Variants in SLC6A6 observed in about 807,000 individuals in gnomAD.
SLC6A6 encodes the protein solute carrier family 6 member 6, also known as sodium- and chloride-dependent taurine transporter.
In SLC6A6, 16 loss-of-function variants were observed where a neutral mutation model predicts 68.8. The ratio of observed to expected loss-of-function variants is 0.23; its 90% CI spans 0.16 to 0.35. SLC6A6 has a LOEUF of 0.35. SLC6A6 is among the 10% of genes least tolerant of loss of function. SLC6A6 has a pLI of 1.00. For missense variants in SLC6A6, 474 were observed against 802.8 expected, an observed-to-expected ratio of 0.59 and a Z score of 4.95; for synonymous variants, 312 against 315.4, an observed-to-expected ratio of 0.99 and a Z score of 0.12.
At position 14,484,915 on chromosome 3, in the gene SLC6A6, G is replaced by A; in HGVS notation, c.1771G>A (p.Glu591Lys). 2 of 1,612,382 alleles carry A rather than the reference G, an allele frequency of 1.2e-6. No homozygotes were observed. The highest frequency in any genetic ancestry group is 4.5e-5 in the East Asian group (2 of 44,866). The change falls in exon 15 of 15, where the codon GAG (glutamate) becomes AAG (lysine). Residue 591 changes from glutamate (E) to lysine (K), a missense_variant. Glu to Lys is a moderately conservative substitution (Grantham distance 56). This residue lies in a region of SLC6A6 where 194 missense variants were observed against 269.8 expected (regional missense o/e 0.72). Coordinates refer to ENST00000622186, the MANE Select transcript of SLC6A6 (RefSeq NM_003043.6). The part of the protein sequence containing the change: ...TPREPNRWAV[E>K]REGATPYNSR... ...AAGGGAACCCAACCGCTGGGCTGTGGAGCGCGAGGGAGCCACACCTTACAA... is the reference window on the plus strand; with the variant it reads ...AAGGGAACCCAACCGCTGGGCTGTGAAGCGCGAGGGAGCCACACCTTACAA...
chr3:14,415,221 TTGAC>T (rs1183948117), intron 1 of SLC6A6, among the ~76,000 whole-genome samples: 30 of 152,252 alleles, frequency 2.0e-4, no homozygotes, highest in Non-Finnish European at 3.5e-4. Flanking sequence ...CCATAAGTTG[TTGAC>T]TGACTGTTCC....
intron 6 of SLC6A6, among the ~76,000 whole-genome samples, chr3:14,466,292 A>G (rs1267854196): frequency 6.6e-6 from 1 of 150,678 alleles, no homozygotes; most frequent in Non-Finnish European, 1.5e-5. Flanking sequence ...AAAAAAAGAA[A>G]TCTGTGAGGT....
Position 14,481,378 on chromosome 3 carries a change from A to T in SLC6A6, c.1552-293A>T, listed in dbSNP as rs2124999208. On this transcript the variant is annotated intron_variant, in intron 13 of 14. Coordinates refer to ENST00000622186, the MANE Select transcript of SLC6A6 (RefSeq NM_003043.6). This position sits in a 1 kb window ranked among gnomAD's most constrained non-coding sequence, Gnocchi z 4.7. Reference sequence around the variant, plus strand: ...GGACACGGAGGGAGAGTTGAGGCAGATGAGGGAGGAAGGGGTACAGCTTCT... The same window carrying T: ...GGACACGGAGGGAGAGTTGAGGCAGTTGAGGGAGGAAGGGGTACAGCTTCT... Among the ~76,000 whole-genome samples, 1 of 152,226 alleles carries T rather than the reference A, an allele frequency of 6.6e-6. No homozygotes were observed. The highest frequency in any genetic ancestry group is 1.9e-4 in the East Asian group (1 of 5,178).
chr3:14,425,864 G>T (rs1699584668), intron 2 of SLC6A6, among the ~76,000 whole-genome samples: 1 of 152,178 alleles, frequency 6.6e-6, no homozygotes, highest in South Asian at 2.1e-4. Context: ...GAATTTAAAT[G>T]GCTAAACATT....
intron 9 of SLC6A6, among the ~76,000 whole-genome samples, chr3:14,469,452 T>C (rs1700702524): frequency 6.6e-6 from 1 of 152,196 alleles, no homozygotes; most frequent in Non-Finnish European, 1.5e-5. Flanking sequence ...CCCTGAGTCC[T>C]AGAGCCCTAG....
At chr3:14,459,597 A>G (rs1348931445) in intron 6 of SLC6A6, among the ~76,000 whole-genome samples, 4 of 152,112 alleles carry the variant, frequency 2.6e-5, no homozygotes, top group Non-Finnish European at 5.9e-5. Flanking sequence ...TCCTGCCCGG[A>G]ACAGGCGGGA....
At chr3:14,418,849 A>C (rs927679642) in intron 2 of SLC6A6, among the ~76,000 whole-genome samples, 3 of 152,212 alleles carry the variant, frequency 2.0e-5, no homozygotes, top group Admixed American at 2.0e-4. Context: ...GATTGTTTCC[A>C]AGACTACACA....
At chr3:14,444,169 C>A in intron 3 of SLC6A6, 1 of 334,594 alleles carries the variant, frequency 3.0e-6, no homozygotes, top group African/African-American at 2.1e-5. Context: ...CTTGTGTCTC[C>A]CAAGCCCCAG....
intron 2 of SLC6A6, among the ~76,000 whole-genome samples, chr3:14,436,778 G>A (rs1699866295): frequency 6.6e-6 from 1 of 152,064 alleles, no homozygotes; most frequent in Non-Finnish European, 1.5e-5. Flanking sequence ...GCCTGAGTCT[G>A]TGCTGTTTCA....
intron 1 of SLC6A6, among the ~76,000 whole-genome samples, chr3:14,405,225 T>C (rs1699080193): frequency 6.6e-6 from 1 of 152,174 alleles, no homozygotes; most frequent in South Asian, 2.1e-4. Context: ...CTTGCTTCTG[T>C]CCCTAGTTAC....
Position 14,467,802 on chromosome 3 carries a change from C to G in SLC6A6, c.868-51C>G, listed in dbSNP as rs371049922. The G allele has an allele frequency of 9.1e-6, 11 of 1,210,868 alleles. No individual in the cohort carries two copies. The African/African-American group carries it at 1.7e-4, about 18-fold the overall frequency. The allele number at this position is 1,210,868 out of a possible 1,614,324, so 75.0% of individuals were successfully genotyped here. A position where few individuals can be genotyped will look rare whatever the true frequency, so the allele number is the denominator to read the frequency against. ...ACCCTCGCTGCCTCCTCCAGGAAGC[C>G]AGCTCTGACAGCCCTCCTCTCTTTC... On this transcript the variant is annotated intron_variant, in intron 7 of 14. Transcript: ENST00000622186.
chr3:14,481,641 C>T lies in SLC6A6; in HGVS notation c.1552-30C>T. 6.4e-7 allele frequency: 1 copy of T among 1,563,506 alleles called. No individual in the cohort carries two copies. The highest frequency in any genetic ancestry group is 2.3e-5 in the East Asian group (1 of 44,222). On this transcript the variant is annotated intron_variant, in intron 13 of 14. Coordinates refer to ENST00000622186, the MANE Select transcript of SLC6A6 (RefSeq NM_003043.6). This position sits in a 1 kb window ranked among gnomAD's most constrained non-coding sequence, Gnocchi z 4.7. ...CCCCCACCCCCCGATGCCCAGGACC[C>T]CTCTCCTGACTGCCCCCATCTCTCC...
At chr3:14,455,865 C>A (rs571327555) in intron 5 of SLC6A6, among the ~76,000 whole-genome samples, 2 of 152,380 alleles carry the variant, frequency 1.3e-5, no homozygotes, top group African/African-American at 4.8e-5. Context: ...TATAGGGATG[C>A]CCCCTGCCCC....
rs762430127 is a variant in SLC6A6 at position 14,466,527 on chromosome 3, C to T, written c.744C>T (p.Phe248=). 1 of 1,612,148 alleles carries T rather than the reference C, an allele frequency of 6.2e-7. No homozygotes were observed. Among genetic ancestry groups the T allele is most frequent in the East Asian group, 2.2e-5 (1 of 44,844 alleles). ...TCTCGCCCTTGCAGGTCGTCTACTT[C>T]ACAGCCACTTTTCCATTCGCCATGC... The part of the protein sequence containing the change: ...GVRSTGKVVY[F]TATFPFAMLL... Residue 248 remains phenylalanine, a synonymous_variant, in exon 7 of 15, where the codon TTC becomes TTT. Coordinates refer to ENST00000622186, the MANE Select transcript of SLC6A6 (RefSeq NM_003043.6).
At position 14,477,999 on chromosome 3, in the gene SLC6A6, C is replaced by CA. The variant is rs922262308; in HGVS notation, c.1348-467_1348-466insA. 8.2e-4 allele frequency among the ~76,000 whole-genome samples: 125 copies of CA among 152,128 alleles called. No individual in the cohort carries two copies. Among genetic ancestry groups the CA allele is most frequent in the Non-Finnish European group, 1.5e-3 (104 of 68,004 alleles). ...GGGCACGCTCTCTCCTGCATGCCCC[C>CA]CCCCACCACCTCCCCTGTTCCCCAG... is the stretch of plus-strand genomic sequence containing the variant. On this transcript the variant is annotated intron_variant, in intron 11 of 14. Transcript: ENST00000622186. This position sits in a 1 kb window ranked among gnomAD's most constrained non-coding sequence, Gnocchi z 4.2.
intron 1 of SLC6A6, among the ~76,000 whole-genome samples, chr3:14,415,194 C>T (rs180960335): frequency 5.9e-5 from 9 of 152,374 alleles, no homozygotes; most frequent in African/African-American, 2.2e-4. Flanking sequence ...AGTGCAGTGC[C>T]TGGCACAGTA....
chr3:14,443,644 AAGG>A lies in SLC6A6; in HGVS notation c.13_15del (p.Glu5del). 1 of 1,610,548 alleles carries A rather than the reference AAGG, an allele frequency of 6.2e-7. No homozygotes were observed. The highest frequency in any genetic ancestry group is 8.5e-7 in the Non-Finnish European group (1 of 1,177,120). On this transcript the variant is annotated inframe_deletion, in exon 3 of 15. Coordinates refer to ENST00000622186, the MANE Select transcript of SLC6A6 (RefSeq NM_003043.6). ...CATAGAAAGCAAGGAGATGGCCACC[AAGG>A]AGAAGCTGCAGTGTCTGAAAGATTT...
At chr3:14,467,682 C>A (rs1365960332) in intron 7 of SLC6A6, among the ~76,000 whole-genome samples, 171 bp from the exon 8 acceptor site, 1 of 152,180 alleles carries the variant, frequency 6.6e-6, no homozygotes, top group African/African-American at 2.4e-5. Flanking sequence ...CTCCTTGCAG[C>A]TCAGTACTGC....
intron 4 of SLC6A6, among the ~76,000 whole-genome samples, chr3:14,446,439 C>G (rs1359616160): frequency 6.6e-6 from 1 of 152,198 alleles, no homozygotes; most frequent in Non-Finnish European, 1.5e-5. Flanking sequence ...GGCTGAAAGA[C>G]TACCTATGGC....
Sources: allele counts gnomAD v4.1 joint callset (sites outside exome capture counted in the v4.1 genomes callset), GRCh38; gene constraint gnomAD v4.1.1; regional missense constraint gnomAD v4.1.1; non-coding constraint Gnocchi (gnomAD v3.1); transcripts MANE v1.5; gene names NCBI Gene and HGNC (gene_info 2026-07-23, HGNC 2026-07-21).